Variants in RARB observed in about 807,000 individuals in gnomAD.
The protein encoded by RARB is retinoic acid receptor beta.
RARB carries 17 observed loss-of-function variants against 51.9 expected under a neutral mutation model. The ratio of observed to expected loss-of-function variants is 0.33; its 90% CI spans 0.22 to 0.49. The LOEUF is 0.49. Ranked by LOEUF, RARB falls within the 20% of genes least tolerant of loss-of-function variation. RARB has a pLI of 0.99. For missense variants in RARB, 369 were observed against 550.8 expected (o/e 0.67, Z 3.30); for synonymous variants, 215 against 195.4 (o/e 1.10, Z -0.84).
intron 5 of RARB, among the ~76,000 whole-genome samples, chr3:25,331,598 A>G (rs1436195569): frequency 6.6e-6 from 1 of 152,208 alleles, no homozygotes; most frequent in Admixed American, 6.5e-5. Context: ...TGACACCCTA[A>G]CATCACAATT....
At chr3:24,942,624 C>T (rs1449408660) in intron 2 of RARB, among the ~76,000 whole-genome samples, 1 of 152,148 alleles carries the variant, frequency 6.6e-6, no homozygotes, top group Non-Finnish European at 1.5e-5. Context: ...CATATGACCT[C>T]AGTTTATTCA....
intron 2 of RARB, among the ~76,000 whole-genome samples, chr3:25,017,642 A>G (rs1697541913): frequency 1.3e-5 from 2 of 152,210 alleles, no homozygotes; most frequent in Admixed American, 1.3e-4. Flanking sequence ...ACAGCTTGTT[A>G]AGACTGTGTC....
intron 5 of RARB, among the ~76,000 whole-genome samples, chr3:25,248,156 T>C (rs1345444082): frequency 6.6e-6 from 1 of 152,246 alleles, no homozygotes; most frequent in Admixed American, 6.5e-5. Flanking sequence ...GAACTGTTTT[T>C]GATTTTAATG....
At chr3:25,405,056 T>A (rs572015456) in intron 5 of RARB, among the ~76,000 whole-genome samples, 2 of 152,190 alleles carry the variant, frequency 1.3e-5, no homozygotes, top group Admixed American at 1.3e-4. Flanking sequence ...TAAATGGCAT[T>A]TGCAGGTTTC....
intron 2 of RARB, among the ~76,000 whole-genome samples, chr3:25,466,023 ACT>A (rs1695413353): frequency 6.6e-6 from 1 of 151,802 alleles, no homozygotes. Context: ...GCTTGGTGCA[ACT>A]CTCTCTTTTC....
chr3:25,392,094 C>G (rs1706978552), intron 5 of RARB, among the ~76,000 whole-genome samples: 1 of 152,146 alleles, frequency 6.6e-6, no homozygotes, highest in African/African-American at 2.4e-5. Context: ...GATCCAGTTT[C>G]ATTCTTCTGC....
At chr3:25,356,776 G>C (rs1340327789) in intron 5 of RARB, among the ~76,000 whole-genome samples, 1 of 152,064 alleles carries the variant, frequency 6.6e-6, no homozygotes, top group Non-Finnish European at 1.5e-5. Context: ...TTGGTTTTCT[G>C]TTCCTGTGTT....
chr3:24,873,966 G>A (rs892066880), intron 2 of RARB, among the ~76,000 whole-genome samples: 1 of 151,982 alleles, frequency 6.6e-6, no homozygotes, highest in African/African-American at 2.4e-5. Flanking sequence ...GTTAAAAATA[G>A]CAAGGCAACA....
rs1038386237 is a variant in RARB at position 25,597,213 on chromosome 3, G to C, written c.*597G>C. 1 of 152,612 alleles carries C rather than the reference G, an allele frequency of 6.6e-6. No homozygotes were observed. The highest frequency in any genetic ancestry group is 1.5e-5 in the Non-Finnish European group (1 of 68,040). The allele number at this position is 152,612 out of a possible 1,614,324, so 9.5% of individuals were successfully genotyped here. On this transcript the variant is annotated 3_prime_UTR_variant, in exon 8 of 8. Coordinates refer to ENST00000330688, the MANE Select transcript of RARB (RefSeq NM_000965.5). ...TTAGTTAGTATGGAAGCTTGTCTTT[G>C]CTCTTTCTGATGCTCTCAAACTGCA...
intron 1 of RARB, among the ~76,000 whole-genome samples, chr3:25,430,447 T>C (rs1032938901): frequency 2.0e-5 from 3 of 152,216 alleles, no homozygotes; most frequent in African/African-American, 4.8e-5. Context: ...TAATGAAACA[T>C]GTTTTTTAAC....
At chr3:25,107,950 T>G (rs79045018) in intron 3 of RARB, among the ~76,000 whole-genome samples, 3,450 of 152,296 alleles carry the variant, frequency 0.023, 119 homozygotes, top group African/African-American at 0.073. Flanking sequence ...GTGGCATATC[T>G]GAATTGTCAG....
chr3:24,890,507 G>T (rs545697202), intron 2 of RARB, among the ~76,000 whole-genome samples: 6 of 152,212 alleles, frequency 3.9e-5, no homozygotes, highest in African/African-American at 1.4e-4. Context: ...CTAACAAGTT[G>T]AGAGGCCAAG....
intron 5 of RARB, among the ~76,000 whole-genome samples, chr3:25,240,399 T>C (rs1253151258): frequency 2.6e-5 from 4 of 152,194 alleles, no homozygotes; most frequent in Admixed American, 1.3e-4. Context: ...CATCCTTGTC[T>C]TGTTCTAGTT....
rs866479913 is a variant in RARB at position 25,100,941 on chromosome 3, C to A, written c.-327-31220C>A. ...TCCTGTTGGCTCTTAGCCCTACACT[C>A]GGAGCTGAGGCACAAATCATGCAAT... On this transcript the variant is annotated intron_variant, in intron 3 of 11. Transcript: ENST00000383772. Among the ~76,000 whole-genome samples, 3 of 152,128 alleles carry A rather than the reference C, an allele frequency of 2.0e-5. No homozygotes were observed. The South Asian group carries it at 6.2e-4, about 32-fold the overall frequency.
intron 2 of RARB, among the ~76,000 whole-genome samples, chr3:25,483,689 T>G (rs902195900): frequency 2.0e-5 from 3 of 152,254 alleles, no homozygotes; most frequent in Middle Eastern, 3.4e-3. Flanking sequence ...CAAGGGAGAC[T>G]GGAGGATGTG....
intron 2 of RARB, among the ~76,000 whole-genome samples, chr3:25,483,494 C>G (rs1378248392): frequency 1.3e-5 from 2 of 148,178 alleles, no homozygotes; most frequent in African/African-American, 5.0e-5. Context: ...TTTTCTAGAT[C>G]AGAAAGTCAT....
At chr3:24,845,539 G>T (rs1028656540) in intron 1 of RARB, among the ~76,000 whole-genome samples, 1 of 152,168 alleles carries the variant, frequency 6.6e-6, no homozygotes, top group Non-Finnish European at 1.5e-5. Context: ...ACATCCCATT[G>T]TCTAAATCTG....
chr3:25,125,872 T>A (rs1275251376), intron 3 of RARB, among the ~76,000 whole-genome samples: 2 of 152,134 alleles, frequency 1.3e-5, no homozygotes, highest in Non-Finnish European at 2.9e-5. Flanking sequence ...CTGGAAAACA[T>A]CTTGATTTGG....
chr3:25,037,865 G>C (rs2125293387), intron 2 of RARB, among the ~76,000 whole-genome samples: 1 of 152,200 alleles, frequency 6.6e-6, no homozygotes, highest in African/African-American at 2.4e-5. Context: ...AAGACTTCCA[G>C]GAAAGATGGA....
Sources: gnomAD v4.1 joint callset for allele counts (sites outside exome capture counted in the v4.1 genomes callset) on GRCh38, gnomAD v4.1.1 for gene constraint, MANE v1.5 for transcripts, NCBI Gene and HGNC (gene_info 2026-07-23, HGNC 2026-07-21) for gene names.